Variants in ACYP2 observed in about 807,000 individuals in gnomAD.
The protein encoded by ACYP2 is acylphosphatase 2, also known as acylphosphatase-2.
Under a neutral mutation model 11.2 loss-of-function variants are expected in ACYP2, and 12 were observed. That is an observed-to-expected ratio of 1.08 (90% confidence interval 0.69 to 1.74). The LOEUF (loss-of-function observed/expected upper bound fraction) is 1.74, where lower values mean the gene tolerates loss of function less well. Among genes scored for constraint, ACYP2 ranks in the 40% most tolerant of loss-of-function variants. ACYP2 has a pLI of 0.00. For missense variants in ACYP2, 134 were observed against 101.9 expected (o/e 1.31, Z -1.35); for synonymous variants, 43 against 32.2 (o/e 1.33, Z -1.13).
intron 6 of ACYP2, among the ~76,000 whole-genome samples, chr2:54,292,912 A>G (rs1029421662): frequency 1.3e-5 from 2 of 152,150 alleles, no homozygotes; most frequent in East Asian, 3.8e-4. Context: ...CAGTTCTTCC[A>G]ATTATTTTGT....
chr2:54,195,607 C>T (rs1470405104), intron 6 of ACYP2, among the ~76,000 whole-genome samples: 3 of 149,170 alleles, frequency 2.0e-5, no homozygotes, highest in African/African-American at 7.4e-5. Context: ...ACATCCGCAG[C>T]CACGTTGCAA....
At chr2:54,233,430 G>C (rs917061505) in intron 6 of ACYP2, among the ~76,000 whole-genome samples, 4 of 151,174 alleles carry the variant, frequency 2.6e-5, no homozygotes, top group African/African-American at 4.9e-5. Context: ...CTATGTAGCT[G>C]GGACTACAGG....
At chr2:54,075,838 A>G (rs1322846511) in intron 4 of ACYP2, among the ~76,000 whole-genome samples, 4 of 152,138 alleles carry the variant, frequency 2.6e-5, no homozygotes, top group Non-Finnish European at 5.9e-5. Flanking sequence ...TCGTAATAAA[A>G]TGATATAATA....
At chr2:54,106,800 G>A (rs1447308570) in intron 4 of ACYP2, among the ~76,000 whole-genome samples, 5 of 152,122 alleles carry the variant, frequency 3.3e-5, no homozygotes, top group African/African-American at 4.8e-5. Flanking sequence ...GGCCAGGCTG[G>A]TCTTGAAGTC....
At chr2:54,219,023 AT>A (rs1446967394) in intron 6 of ACYP2, among the ~76,000 whole-genome samples, 1 of 152,196 alleles carries the variant, frequency 6.6e-6, no homozygotes, top group African/African-American at 2.4e-5. Flanking sequence ...TCTAGAGTCT[AT>A]ATCTTGGATA....
At chr2:54,065,114 A>G (rs549537237) in intron 4 of ACYP2, among the ~76,000 whole-genome samples, 2 of 131,276 alleles carry the variant, frequency 1.5e-5, no homozygotes, top group Non-Finnish European at 3.4e-5. Flanking sequence ...TAAATAAATA[A>G]ATAAATAAAT....
At chr2:54,264,456 G>A (rs1687926491) in intron 6 of ACYP2, among the ~76,000 whole-genome samples, 1 of 152,142 alleles carries the variant, frequency 6.6e-6, no homozygotes, top group Admixed American at 6.5e-5. Flanking sequence ...CGACCCAGAA[G>A]CCCAGCTGGC....
chr2:54,157,591 C>A lies in ACYP2; in HGVS notation c.404+18843C>A, dbSNP rs187271928. Among the ~76,000 whole-genome samples, 811 of 152,162 alleles carry A rather than the reference C, an allele frequency of 5.3e-3. 4 individuals carry two copies. The highest frequency in any genetic ancestry group is 0.031 in the Middle Eastern group (9 of 294). On this transcript the variant is annotated intron_variant, in intron 6 of 6. Coordinates refer to ENST00000607452, the MANE Select transcript of ACYP2 (RefSeq NM_001320586.2). ...TATATTTGATACCTTTTATATATGC[C>A]AGGCACTGTTTTAGGTACTAGAATT...
At chr2:54,210,160 A>T (rs1238948019) in intron 6 of ACYP2, among the ~76,000 whole-genome samples, 2 of 151,366 alleles carry the variant, frequency 1.3e-5, no homozygotes, top group Non-Finnish European at 2.9e-5. Flanking sequence ...AAAAAAAAAA[A>T]AAAAAAAATT....
intron 6 of ACYP2, among the ~76,000 whole-genome samples, chr2:54,286,336 A>G (rs1558669239): frequency 6.6e-6 from 1 of 152,022 alleles, no homozygotes; most frequent in Non-Finnish European, 1.5e-5. Context: ...GCTAGCCTGG[A>G]AAAAGATCAA....
At chr2:54,261,073 C>T (rs1187852520) in intron 6 of ACYP2, among the ~76,000 whole-genome samples, 1 of 152,130 alleles carries the variant, frequency 6.6e-6, no homozygotes, top group Non-Finnish European at 1.5e-5. Context: ...CTTAATGTCA[C>T]AGACCCTGGT....
At chr2:54,263,143 A>C (rs981480806) in intron 6 of ACYP2, among the ~76,000 whole-genome samples, 1 of 152,226 alleles carries the variant, frequency 6.6e-6, no homozygotes, top group African/African-American at 2.4e-5. Context: ...GCTTTACAGG[A>C]AGCATAGTGT....
At chr2:54,091,274 C>G (rs1368347442) in intron 4 of ACYP2, among the ~76,000 whole-genome samples, 2 of 151,946 alleles carry the variant, frequency 1.3e-5, no homozygotes, top group African/African-American at 4.8e-5. Flanking sequence ...GTGGGGAACA[C>G]AGGAAGAAAG....
At chr2:54,034,245 C>G (rs1573567779) in intron 2 of ACYP2, among the ~76,000 whole-genome samples, 1 of 152,302 alleles carries the variant, frequency 6.6e-6, no homozygotes, top group South Asian at 2.1e-4. Context: ...GTAATCCCAG[C>G]TACTCGGGAG....
intron 2 of ACYP2, among the ~76,000 whole-genome samples, chr2:53,979,420 A>G (rs1671645390): frequency 6.6e-6 from 1 of 152,030 alleles, no homozygotes; most frequent in Non-Finnish European, 1.5e-5. Context: ...AGAGATCAAG[A>G]AATTGAGACC....
chr2:54,135,205 A>G (rs759237486), intron 4 of ACYP2, among the ~76,000 whole-genome samples: 3 of 152,214 alleles, frequency 2.0e-5, no homozygotes, highest in Non-Finnish European at 2.9e-5. Flanking sequence ...GGGATAATTC[A>G]TGGGTGGGAC....
intron 6 of ACYP2, chr2:54,142,696 C>G (rs1681673975): frequency 1.3e-5 from 2 of 152,026 alleles, no homozygotes; most frequent in African/African-American, 2.4e-5. Flanking sequence ...GCACTCCAGT[C>G]TGGGCAATGG....
chr2:54,037,399 G>A (rs1460655785), intron 2 of ACYP2, among the ~76,000 whole-genome samples: 3 of 151,958 alleles, frequency 2.0e-5, no homozygotes, highest in Admixed American at 6.6e-5. Context: ...ACAGGCATAA[G>A]CCACCATACC....
chr2:54,291,117 C>T (rs981021534), intron 6 of ACYP2, among the ~76,000 whole-genome samples: 3 of 152,184 alleles, frequency 2.0e-5, no homozygotes, highest in African/African-American at 7.2e-5. Flanking sequence ...TTGCTGAGGT[C>T]CCCAAAGCAC....
Sources: gnomAD v4.1 joint callset for allele counts (sites outside exome capture counted in the v4.1 genomes callset) on GRCh38, gnomAD v4.1.1 for gene constraint, MANE v1.5 for transcripts, NCBI Gene and HGNC (gene_info 2026-07-23, HGNC 2026-07-21) for gene names.